The following PIWIL1 variants were observed in gnomAD, a reference collection of about 807,000 sequenced individuals.
The protein encoded by PIWIL1 is piwi like RNA-mediated gene silencing 1.
A neutral mutation model predicts 114.4 loss-of-function variants in PIWIL1; 73 were observed. That is an observed-to-expected ratio of 0.64 (90% CI 0.53 to 0.78). The LOEUF (loss-of-function observed/expected upper bound fraction) is 0.78, where lower values mean the gene tolerates loss of function less well. Ranked by LOEUF, PIWIL1 falls within the 30% of genes least tolerant of loss-of-function variation. The probability of loss-of-function intolerance (pLI) is 0.00; values close to 1 mark genes in which losing one functional copy is unlikely to be tolerated. For synonymous variants in PIWIL1, 375 were observed against 369.0 expected (o/e 1.02, Z -0.19); for missense variants, 723 against 1,063.1 (o/e 0.68, Z 4.45).
At chr12:130,385,254 T>C in the PIWIL1 span, among the ~76,000 whole-genome samples, 1 of 152,376 alleles carries the variant, frequency 6.6e-6, no homozygotes, top group African/African-American at 2.4e-5. Context: ...TTAAAGCTTG[T>C]AATTGGATGG....
chr12:130,424,817 C>T, the PIWIL1 span: 3 of 1,232,716 alleles, frequency 2.4e-6, no homozygotes, highest in Non-Finnish European at 3.0e-6. This position sits in a 1 kb window ranked among gnomAD's most constrained non-coding sequence, Gnocchi z 9.8. Flanking sequence ...ACTCGGGCTG[C>T]TCCCAGAAAG....
At chr12:130,392,176 T>G in the PIWIL1 span, among the ~76,000 whole-genome samples, 1 of 93,952 alleles carries the variant, frequency 1.1e-5, no homozygotes, top group African/African-American at 4.1e-5. Flanking sequence ...AATGTTGTGA[T>G]GACCCGGTCA....
At chr12:130,393,870 T>G in the PIWIL1 span, among the ~76,000 whole-genome samples, 1 of 152,162 alleles carries the variant, frequency 6.6e-6, no homozygotes, top group Non-Finnish European at 1.5e-5. Flanking sequence ...GGAGCTCCCA[T>G]CCTCCCCAAT....
chr12:130,417,017 A>C, the PIWIL1 span, among the ~76,000 whole-genome samples: 1 of 152,216 alleles, frequency 6.6e-6, no homozygotes, highest in Middle Eastern at 3.2e-3. Context: ...TCATTAGAGA[A>C]ATCCAAGACA....
At chr12:130,407,651 CCT>C in the PIWIL1 span, 3 of 1,160,928 alleles carry the variant, frequency 2.6e-6, no homozygotes, top group East Asian at 7.0e-5. Flanking sequence ...ACACACGTGG[CCT>C]CAGTGTGGTG....
At chr12:130,342,718 T>G in intron 2 of PIWIL1, 49 bp downstream of exon 2, 2 of 1,407,978 alleles carry the variant, frequency 1.4e-6, no homozygotes, top group Non-Finnish European at 2.0e-6. Flanking sequence ...TGACTCTTGA[T>G]CAGCCTAGGC....
At chr12:130,339,779 C>A (rs908453208) in intron 1 of PIWIL1, 1 of 152,188 alleles carries the variant, frequency 6.6e-6, no homozygotes, top group African/African-American at 2.4e-5. Flanking sequence ...GGGCTGCTTC[C>A]AGTCGGCTTC....
Position 130,345,956 on chromosome 12 carries a change from G to T in PIWIL1, c.316+78G>T, listed in dbSNP as rs748588972. 3 of 1,496,592 alleles carry T rather than the reference G, an allele frequency of 2.0e-6. No homozygotes were observed. The East Asian group carries it at 6.9e-5, about 34-fold the overall frequency. 92.7% of individuals were successfully genotyped at this position (1,496,592 alleles called of 1,614,324 possible). A position where few individuals can be genotyped will look rare whatever the true frequency, so the allele number is the denominator to read the frequency against. Reference sequence around the variant, plus strand: ...AGTGAATTGAGGCACTTTAGTTTAGGTGTTTATTTGGCCAAGGATCCTGCA... The same window carrying T: ...AGTGAATTGAGGCACTTTAGTTTAGTTGTTTATTTGGCCAAGGATCCTGCA... On this transcript the variant is annotated intron_variant, in intron 4 of 20. Coordinates refer to ENST00000245255, the MANE Select transcript of PIWIL1 (RefSeq NM_004764.5).
chr12:130,364,356 G>A (rs952768153), intron 18 of PIWIL1, among the ~76,000 whole-genome samples: 26 of 152,304 alleles, frequency 1.7e-4, no homozygotes, highest in African/African-American at 3.1e-4. Flanking sequence ...TATCTGGTGC[G>A]TAGGAAAAGG....
chr12:130,422,963 A>T, the PIWIL1 span, among the ~76,000 whole-genome samples: 2 of 152,168 alleles, frequency 1.3e-5, no homozygotes, highest in Non-Finnish European at 2.9e-5. The surrounding 1 kb of genome is among the most constrained non-coding windows in gnomAD (Gnocchi z 5.2). Context: ...AGTGGGGAAG[A>T]TGTTGCAGTT....
chr12:130,355,053 A>C, intron 11 of PIWIL1, 48 bp downstream of exon 11: 1 of 1,162,782 alleles, frequency 8.6e-7, no homozygotes, highest in South Asian at 1.2e-5. Context: ...TGTGTTTAGT[A>C]TTTTATGTGG....
the PIWIL1 span, among the ~76,000 whole-genome samples, chr12:130,377,853 C>A: frequency 6.6e-6 from 1 of 152,184 alleles, no homozygotes; most frequent in Non-Finnish European, 1.5e-5. Flanking sequence ...CTCTCACCTT[C>A]CATCGGAGGC....
rs377343586 is a variant in PIWIL1 at position 130,353,913 on chromosome 12, G to A, written c.1045-624G>A. Among the ~76,000 whole-genome samples the A allele has an allele frequency of 1.1e-4, 17 of 149,146 alleles. No individual in the cohort carries two copies. In the East Asian group the frequency reaches 2.4e-3, roughly 21 times the overall value. On this transcript the variant is annotated intron_variant, in intron 9 of 20. Coordinates refer to ENST00000245255, the MANE Select transcript of PIWIL1 (RefSeq NM_004764.5). ...TGCACTCCAGCCTGGGTGACAGAGC[G>A]AGACTCCATCTTCAAAAAAAAAAAA... is the stretch of plus-strand genomic sequence containing the variant.
intron 14 of PIWIL1, among the ~76,000 whole-genome samples, chr12:130,360,915 T>C (rs1300721005): frequency 6.6e-6 from 1 of 152,234 alleles, no homozygotes; most frequent in Non-Finnish European, 1.5e-5. Context: ...ATATTTAAGT[T>C]CTCAAGTTTA....
intron 13 of PIWIL1, 82 bp from the exon 14 acceptor site, chr12:130,357,399 C>T: frequency 2.0e-6 from 2 of 1,003,210 alleles, no homozygotes; most frequent in South Asian, 1.4e-5. Flanking sequence ...GAAACGTTTC[C>T]TGTGTTACAC....
At chr12:130,360,320 G>A (rs2073473218) in intron 14 of PIWIL1, among the ~76,000 whole-genome samples, 1 of 152,112 alleles carries the variant, frequency 6.6e-6, no homozygotes, top group Admixed American at 6.5e-5. Context: ...AATATAAATT[G>A]GAGAACATGG....
the PIWIL1 span, among the ~76,000 whole-genome samples, chr12:130,393,029 G>A: frequency 6.6e-5 from 7 of 105,404 alleles, no homozygotes; most frequent in South Asian, 3.4e-4. Flanking sequence ...CCCGGTCACC[G>A]TCATCACGTG....
chr12:130,422,930 GC>G, the PIWIL1 span, among the ~76,000 whole-genome samples: 15 of 152,148 alleles, frequency 9.9e-5, no homozygotes, highest in African/African-American at 2.9e-4. The surrounding 1 kb of genome is among the most constrained non-coding windows in gnomAD (Gnocchi z 5.2). Flanking sequence ...GTCTCCACAT[GC>G]CCCCCTCCCA....
the PIWIL1 span, among the ~76,000 whole-genome samples, chr12:130,402,777 C>A: frequency 6.6e-6 from 1 of 152,218 alleles, no homozygotes; most frequent in African/African-American, 2.4e-5. Flanking sequence ...GACATCCACT[C>A]GTGTTTGCAC....
Sources: gnomAD v4.1 joint callset for allele counts (sites outside exome capture counted in the v4.1 genomes callset) on GRCh38, gnomAD v4.1.1 for gene constraint, Gnocchi (gnomAD v3.1) non-coding constraint, MANE v1.5 for transcripts, NCBI Gene and HGNC (gene_info 2026-07-23, HGNC 2026-07-21) for gene names.